The following ZNF146 variants were observed in gnomAD, a reference collection of about 807,000 sequenced individuals.
ZNF146 encodes zinc finger protein 146.
A neutral mutation model predicts 22.2 loss-of-function variants in ZNF146; 9 were observed. That is an observed-to-expected ratio of 0.41 (90% CI 0.24 to 0.71). The LOEUF (loss-of-function observed/expected upper bound fraction) is 0.71, where lower values mean the gene tolerates loss of function less well. Among genes scored for constraint, ZNF146 ranks in the 30% least tolerant of loss-of-function variants. The pLI is 0.34. For missense variants in ZNF146, 194 were observed against 344.8 expected (o/e 0.56, Z 3.46); for synonymous variants, 108 against 119.2 (o/e 0.91, Z 0.61).
chr19:36,226,402 G>T (rs2145423769), intron 2 of ZNF146, among the ~76,000 whole-genome samples: 1 of 152,274 alleles, frequency 6.6e-6, no homozygotes, highest in South Asian at 2.1e-4. Context: ...TGGATGGGGG[G>T]TATATATGTG....
chr19:36,221,443 C>T (rs539007359), intron 2 of ZNF146, among the ~76,000 whole-genome samples: 25 of 152,034 alleles, frequency 1.6e-4, no homozygotes, highest in Non-Finnish European at 3.5e-4. Flanking sequence ...TGTCAGCCAC[C>T]ACGCCCGGCT....
In ZNF146 at chr19:36,237,403, C is replaced by T; in HGVS notation, c.*84C>T. ...TGCCCCAGAAATAATCCTTCTGAAG[C>T]AAAGCACCACGAATGAGGTTAACTT... is the stretch of plus-strand genomic sequence containing the variant. On this transcript the variant is annotated 3_prime_UTR_variant, in exon 4 of 4. Transcript: ENST00000443387. The T allele has an allele frequency of 2.0e-6, 3 of 1,470,016 alleles. No individual in the cohort carries two copies. The highest frequency in any genetic ancestry group is 1.8e-6 in the Non-Finnish European group (2 of 1,101,540). 91.1% of individuals were successfully genotyped at this position (1,470,016 alleles called of 1,614,324 possible).
rs117409201 is a variant in ZNF146 at position 36,234,398 on chromosome 19, G to A, written c.-782-1261G>A. Among the ~76,000 whole-genome samples the A allele has an allele frequency of 4.6e-3, 706 of 152,116 alleles. 17 individuals carry two copies. The East Asian group carries it at 0.05, about 11-fold the overall frequency. Reference sequence around the variant, plus strand: ...GAGCTCTCCCATATAACAAAATACCGTTTCACACCTTAGAAGATTAACCAT... The same window carrying A: ...GAGCTCTCCCATATAACAAAATACCATTTCACACCTTAGAAGATTAACCAT... On this transcript the variant is annotated intron_variant, in intron 3 of 3. Coordinates refer to ENST00000443387, the MANE Select transcript of ZNF146 (RefSeq NM_007145.3).
chr19:36,220,417 T>G (rs918369446), intron 2 of ZNF146, among the ~76,000 whole-genome samples: 1 of 151,564 alleles, frequency 6.6e-6, no homozygotes, highest in Admixed American at 6.6e-5. Flanking sequence ...CAGGCTGGAG[T>G]GCAGTGGCAC....
chr19:36,236,460 A>G lies in ZNF146; in HGVS notation c.20A>G (p.Gln7Arg). 6.2e-7 allele frequency: 1 copy of G among 1,606,880 alleles called. No individual in the cohort carries two copies. Among genetic ancestry groups the G allele is most frequent in the Non-Finnish European group, 8.5e-7 (1 of 1,176,058 alleles). MSHLSQ[Q>R]RIYSGENPFA... ...ATTCAGATGTCACACCTCAGCCAGCAGAGAATTTACAGTGGGGAAAACCCC... is the reference window on the plus strand; with the variant it reads ...ATTCAGATGTCACACCTCAGCCAGCGGAGAATTTACAGTGGGGAAAACCCC... Residue 7 changes from glutamine to arginine, a missense_variant, in exon 4 of 4, where the codon CAG (glutamine) becomes CGG (arginine). Transcript: ENST00000443387.
rs1195449074 is a variant in ZNF146 at position 36,236,804 on chromosome 19, C to CA, written c.365dup (p.His122GlnfsTer10). 1 of 1,613,990 alleles carries CA rather than the reference C, an allele frequency of 6.2e-7. No homozygotes were observed. Among genetic ancestry groups the CA allele is most frequent in the Non-Finnish European group, 8.5e-7 (1 of 1,180,018 alleles). On this transcript the variant is annotated frameshift_variant, in exon 4 of 4. Coordinates refer to ENST00000443387, the MANE Select transcript of ZNF146 (RefSeq NM_007145.3). LOFTEE classifies it high-confidence loss of function. ...AAACCTCATCAGACACCAGAGAACT[C>CA]ACACAGGAGAGAAGCCCTTTGTATG...
At chr19:36,233,288 A>G (rs563125724) in intron 3 of ZNF146, among the ~76,000 whole-genome samples, 45 of 152,272 alleles carry the variant, frequency 3.0e-4, no homozygotes, top group African/African-American at 1.1e-3. Context: ...TTGAGGCTTC[A>G]AGAATCACTT....
chr19:36,224,113 G>A (rs1976975074), intron 2 of ZNF146, among the ~76,000 whole-genome samples: 1 of 152,172 alleles, frequency 6.6e-6, no homozygotes. Flanking sequence ...TGGGCACGGT[G>A]GCTCACGCCT....
At chr19:36,223,807 C>T (rs1364360810) in intron 2 of ZNF146, among the ~76,000 whole-genome samples, 6 of 151,374 alleles carry the variant, frequency 4.0e-5, no homozygotes, top group Non-Finnish European at 8.8e-5. Flanking sequence ...GGTGCAGTGG[C>T]GTGATCACAG....
Position 36,215,127 on chromosome 19 carries a change from C to A in ZNF146, c.-998C>A, listed in dbSNP as rs1976541545. The stretch of plus-strand genomic sequence containing the variant: ...CTCCGAGTGCGCAAGCGCAGCGCAC[C>A]GAGTGGACATTTTGGTCTTTGTCCG... On this transcript the variant is annotated 5_prime_UTR_variant, in exon 1 of 4. Coordinates refer to ENST00000443387, the MANE Select transcript of ZNF146 (RefSeq NM_007145.3). The A allele has an allele frequency of 6.6e-6, 1 of 152,348 alleles. No individual in the cohort carries two copies. The highest frequency in any genetic ancestry group is 1.5e-5 in the Non-Finnish European group (1 of 68,068). 9.4% of individuals were successfully genotyped at this position (152,348 alleles called of 1,614,324 possible). A position where few individuals can be genotyped will look rare whatever the true frequency, so the allele number is the denominator to read the frequency against.
chr19:36,230,162 TG>T (rs1977264916), intron 3 of ZNF146, among the ~76,000 whole-genome samples: 1 of 152,246 alleles, frequency 6.6e-6, no homozygotes, highest in Non-Finnish European at 1.5e-5. Context: ...ACTTTTTAAG[TG>T]GAATACAGGG....
chr19:36,234,692 C>T lies in ZNF146; in HGVS notation c.-782-967C>T, dbSNP rs143958642. The stretch of plus-strand genomic sequence containing the variant: ...GATTACAGGCGTGAGCCACTGCGCC[C>T]GGCCAGCCAGCATCTTTTGTCTTCA... On this transcript the variant is annotated intron_variant, in intron 3 of 3. Coordinates refer to ENST00000443387, the MANE Select transcript of ZNF146 (RefSeq NM_007145.3). Among the ~76,000 whole-genome samples the T allele has an allele frequency of 1.4e-3, 209 of 152,282 alleles. 1 individual carries two copies. Among genetic ancestry groups the T allele is most frequent in the African/African-American group, 4.3e-3 (179 of 41,564 alleles).
chr19:36,220,027 C>G (rs574357104), intron 2 of ZNF146, among the ~76,000 whole-genome samples: 17 of 152,214 alleles, frequency 1.1e-4, no homozygotes, highest in African/African-American at 3.4e-4. Flanking sequence ...AGTGGATACC[C>G]CTTCAGGTCA....
rs534791425 is a variant in ZNF146 at position 36,232,095 on chromosome 19, C to T, written c.-783+3276C>T. ...ATGCACACCTATCGTCCCAGCTACT[C>T]GGGAGGCTGAGGCAGGAGAATCGGT... On this transcript the variant is annotated intron_variant, in intron 3 of 3. Coordinates refer to ENST00000443387, the MANE Select transcript of ZNF146 (RefSeq NM_007145.3). 9.2e-4 allele frequency among the ~76,000 whole-genome samples: 138 copies of T among 150,616 alleles called. 1 individual carries two copies. The highest frequency in any genetic ancestry group is 1.6e-3 in the Non-Finnish European group (109 of 67,820).
At chr19:36,221,936 T>A (rs962552175) in intron 2 of ZNF146, among the ~76,000 whole-genome samples, 3 of 128,758 alleles carry the variant, frequency 2.3e-5, no homozygotes, top group African/African-American at 8.2e-5. Context: ...TCTTTTTTTT[T>A]TTTTTTTTTT....
At chr19:36,221,202 T>G (rs1005199844) in intron 2 of ZNF146, among the ~76,000 whole-genome samples, 3 of 152,120 alleles carry the variant, frequency 2.0e-5, no homozygotes, top group African/African-American at 7.2e-5. Flanking sequence ...TCTAAAGTCA[T>G]TTGAAATCGT....
intron 2 of ZNF146, among the ~76,000 whole-genome samples, chr19:36,224,781 C>A: frequency 6.6e-6 from 1 of 152,046 alleles, no homozygotes; most frequent in Non-Finnish European, 1.5e-5. Context: ...ATTAAATATT[C>A]CTCTTTATGT....
At position 36,236,991 on chromosome 19, in the gene ZNF146, A is replaced by G; in HGVS notation, c.551A>G (p.Tyr184Cys). Reference sequence around the variant, plus strand: ...AACATTCACACTGGAGAGAAACCCTATGAATGTAACGAATGTGGAAAAGCC... The same window carrying G: ...AACATTCACACTGGAGAGAAACCCTGTGAATGTAACGAATGTGGAAAAGCC... ...HQNIHTGEKP[Y>C]ECNECGKAFS... Residue 184 changes from tyrosine (Y) to cysteine (C), a missense_variant, in exon 4 of 4, where the codon TAT (tyrosine) becomes TGT (cysteine). Physicochemically the swap from Tyr to Cys is radical, Grantham distance 194. Coordinates refer to ENST00000443387, the MANE Select transcript of ZNF146 (RefSeq NM_007145.3). The G allele has an allele frequency of 6.2e-7, 1 of 1,614,162 alleles. No individual in the cohort carries two copies. Among genetic ancestry groups the G allele is most frequent in the Non-Finnish European group, 8.5e-7 (1 of 1,180,020 alleles).
chr19:36,237,450 G>A lies in ZNF146; in HGVS notation c.*131G>A. 1 of 1,148,010 alleles carries A rather than the reference G, an allele frequency of 8.7e-7. No homozygotes were observed. Among genetic ancestry groups the A allele is most frequent in the Non-Finnish European group, 1.2e-6 (1 of 835,428 alleles). The allele number at this position is 1,148,010 out of a possible 1,614,324, so 71.1% of individuals were successfully genotyped here. ...ACTTTAACAAGTACTAAAAACTTAAGGGACACCAGAAAATTTGTACTGAAG... is the reference window on the plus strand; with the variant it reads ...ACTTTAACAAGTACTAAAAACTTAAAGGACACCAGAAAATTTGTACTGAAG... On this transcript the variant is annotated 3_prime_UTR_variant, in exon 4 of 4. Transcript: ENST00000443387.
Sources: allele counts gnomAD v4.1 joint callset (sites outside exome capture counted in the v4.1 genomes callset), GRCh38; gene constraint gnomAD v4.1.1; transcripts MANE v1.5; gene names NCBI Gene and HGNC (gene_info 2026-07-23, HGNC 2026-07-21).